Variants in PHF14 observed in about 807,000 individuals in gnomAD.
The protein encoded by PHF14 is PHD finger protein 14.
A neutral mutation model predicts 117.9 loss-of-function variants in PHF14; 55 were observed. The observed-to-expected ratio is 0.47, with a 90% CI of 0.38 to 0.58. The LOEUF (loss-of-function observed/expected upper bound fraction) is 0.58, where lower values mean the gene tolerates loss of function less well. Ranked by LOEUF, PHF14 falls within the 20% of genes least tolerant of loss-of-function variation. The probability of loss-of-function intolerance (pLI) is 0.00; values close to 1 mark genes in which losing one functional copy is unlikely to be tolerated. For synonymous variants in PHF14, 409 were observed against 368.6 expected, an observed-to-expected ratio of 1.11 and a Z score of -1.26; for missense variants, 978 against 1,122.2, an observed-to-expected ratio of 0.87 and a Z score of 1.84.
intron 10 of PHF14, among the ~76,000 whole-genome samples, chr7:11,038,490 T>C (rs990796023): frequency 6.7e-6 from 1 of 150,264 alleles, no homozygotes; most frequent in Non-Finnish European, 1.5e-5. Context: ...AAACCCTGTC[T>C]CTACTAAAAA....
intron 14 of PHF14, among the ~76,000 whole-genome samples, chr7:11,058,555 A>G (rs1785098766): frequency 6.6e-6 from 1 of 152,208 alleles, no homozygotes; most frequent in Admixed American, 6.5e-5. Context: ...TACTTTGGTA[A>G]TGAATCAAGT....
At chr7:11,021,558 A>C (rs1034004695) in intron 5 of PHF14, among the ~76,000 whole-genome samples, 1 of 152,174 alleles carries the variant, frequency 6.6e-6, no homozygotes, top group Non-Finnish European at 1.5e-5. Context: ...ACATTTTAAG[A>C]AGGTCAGTAT....
chr7:11,102,616 T>G, intron 16 of PHF14: 1 of 1,554,254 alleles, frequency 6.4e-7, no homozygotes, highest in Non-Finnish European at 8.7e-7. Context: ...GGAGAACAGC[T>G]ATATTGTCCT....
chr7:11,106,920 T>C (rs542744701), intron 16 of PHF14: 2 of 983,738 alleles, frequency 2.0e-6, no homozygotes, highest in Non-Finnish European at 2.4e-6. Flanking sequence ...AATGTTCCAT[T>C]GGCATAAAAG....
At chr7:11,098,305 C>T (rs1273502184) in intron 16 of PHF14, among the ~76,000 whole-genome samples, 1 of 152,090 alleles carries the variant, frequency 6.6e-6, no homozygotes, top group Non-Finnish European at 1.5e-5. Flanking sequence ...TTTCCTTTCC[C>T]ATTCCTATGG....
intron 17 of PHF14, among the ~76,000 whole-genome samples, chr7:11,168,077 C>T (rs1173364425): frequency 6.7e-6 from 1 of 149,264 alleles, no homozygotes; most frequent in Non-Finnish European, 1.5e-5. Context: ...GTGGAAAACA[C>T]ATGTTCATTA....
At chr7:11,076,504 A>G (rs1326122542) in intron 16 of PHF14, among the ~76,000 whole-genome samples, 1 of 150,728 alleles carries the variant, frequency 6.6e-6, no homozygotes, top group South Asian at 2.1e-4. Context: ...AATGAAGACC[A>G]TCGCACAGAT....
chr7:10,981,831 T>G (rs1212310433), intron 2 of PHF14, among the ~76,000 whole-genome samples: 1 of 152,320 alleles, frequency 6.6e-6, no homozygotes, highest in African/African-American at 2.4e-5. Context: ...ATATTAGAGT[T>G]GTAGTATAAG....
chr7:11,090,215 C>CT (rs568496482), intron 16 of PHF14, among the ~76,000 whole-genome samples: 175 of 152,284 alleles, frequency 1.1e-3, no homozygotes, highest in South Asian at 3.5e-3. Context: ...GAAAGTAATT[C>CT]TTTAAGTATA....
chr7:11,032,428 G>A (rs967661140), intron 7 of PHF14, among the ~76,000 whole-genome samples: 27 of 151,928 alleles, frequency 1.8e-4, no homozygotes, highest in African/African-American at 5.3e-4. Context: ...GTACAAGACC[G>A]AAGTTGTGTC....
intron 17 of PHF14, among the ~76,000 whole-genome samples, chr7:11,157,633 A>G (rs757705535): frequency 3.3e-5 from 5 of 152,194 alleles, no homozygotes; most frequent in Non-Finnish European, 7.4e-5. Flanking sequence ...AATGGATCAT[A>G]TTACATTTTT....
intron 6 of PHF14, among the ~76,000 whole-genome samples, chr7:11,027,999 A>T (rs991587391): frequency 1.3e-5 from 2 of 152,130 alleles, no homozygotes; most frequent in Non-Finnish European, 2.9e-5. Flanking sequence ...GTGTTTAATG[A>T]TTACATATAT....
intron 14 of PHF14, among the ~76,000 whole-genome samples, chr7:11,055,818 G>A (rs1311312576): frequency 2.0e-5 from 3 of 148,790 alleles, no homozygotes; most frequent in African/African-American, 7.4e-5. Context: ...CTGAAAATAT[G>A]AAATATGTTT....
intron 3 of PHF14, among the ~76,000 whole-genome samples, chr7:10,986,937 AT>A (rs994220208): frequency 6.6e-6 from 1 of 152,184 alleles, no homozygotes; most frequent in African/African-American, 2.4e-5. Flanking sequence ...TGGATTTTGG[AT>A]TACTGCTTTA....
rs183313759 is a variant in PHF14, at chr7:11,038,071, A to T, written c.1981-689A>T. Reference sequence around the variant, plus strand: ...TGCTTACAGCAACAAATACTGCTGAATAATTGGATAGCCTTGTCTCTCAGT... The same window carrying T: ...TGCTTACAGCAACAAATACTGCTGATTAATTGGATAGCCTTGTCTCTCAGT... On this transcript the variant is annotated intron_variant, in intron 10 of 17. Transcript: ENST00000634607. 2.4e-3 allele frequency among the ~76,000 whole-genome samples: 360 copies of T among 152,340 alleles called. 2 individuals are homozygous for T. The highest frequency in any genetic ancestry group is 7.8e-3 in the Admixed American group (120 of 15,308).
chr7:11,143,643 A>G (rs934967967), intron 17 of PHF14, among the ~76,000 whole-genome samples: 3 of 152,144 alleles, frequency 2.0e-5, no homozygotes, highest in African/African-American at 7.2e-5. Flanking sequence ...ATATTGGTGT[A>G]TGTTTTTCTA....
chr7:11,026,914 A>C (rs773165346), intron 6 of PHF14, among the ~76,000 whole-genome samples: 5 of 152,048 alleles, frequency 3.3e-5, no homozygotes, highest in Non-Finnish European at 5.9e-5. Context: ...ATCAGATACA[A>C]TGTTGTAAAT....
At chr7:11,014,330 G>C (rs1179223556) in intron 5 of PHF14, among the ~76,000 whole-genome samples, 1 of 152,104 alleles carries the variant, frequency 6.6e-6, no homozygotes, top group East Asian at 1.9e-4. Context: ...TTAGTATAAA[G>C]AATTTTTAAG....
At chr7:11,017,049 G>A (rs1783558446) in intron 5 of PHF14, among the ~76,000 whole-genome samples, 1 of 152,130 alleles carries the variant, frequency 6.6e-6, no homozygotes, top group African/African-American at 2.4e-5. Context: ...ATGATCTCTA[G>A]TTCCACCCAA....
Sources: gnomAD v4.1 joint callset for allele counts (sites outside exome capture counted in the v4.1 genomes callset) on GRCh38, gnomAD v4.1.1 for gene constraint, MANE v1.5 for transcripts, NCBI Gene and HGNC (gene_info 2026-07-23, HGNC 2026-07-21) for gene names.